Variants in MINDY4 observed in about 807,000 individuals in gnomAD.
MINDY4 encodes probable ubiquitin carboxyl-terminal hydrolase MINDY-4.
In MINDY4, 68 loss-of-function variants were observed where a neutral mutation model predicts 87.0. The ratio of observed to expected loss-of-function variants is 0.78; its 90% CI spans 0.64 to 0.96. The LOEUF is 0.96. MINDY4 is among the 40% of genes least tolerant of loss of function. The pLI, the probability that MINDY4 is intolerant of heterozygous loss-of-function variation, is 0.00. For synonymous variants in MINDY4, 379 were observed against 363.2 expected, an observed-to-expected ratio of 1.04 and a Z score of -0.50; for missense variants, 919 against 928.2, an observed-to-expected ratio of 0.99 and a Z score of 0.13.
chr7:30,827,274 C>T (rs62449064), intron 5 of MINDY4, among the ~76,000 whole-genome samples: 28,701 of 152,016 alleles, frequency 0.19, 3,533 homozygotes, highest in African/African-American at 0.34. Flanking sequence ...CACTGAGGCA[C>T]AGCAAGGGGA....
chr7:30,778,319 A>T (rs1786889920), intron 1 of MINDY4, 113 bp from the exon 2 acceptor site: 1 of 1,345,198 alleles, frequency 7.4e-7, no homozygotes, highest in Non-Finnish European at 1.0e-6. Context: ...GTCAAGTGTA[A>T]AGGTTATATG....
At chr7:30,875,174 T>C (rs1213506294) in intron 14 of MINDY4, among the ~76,000 whole-genome samples, 1 of 152,130 alleles carries the variant, frequency 6.6e-6, no homozygotes, top group Non-Finnish European at 1.5e-5. Context: ...CCAAAGCACA[T>C]GTCAAGAGCC....
intron 5 of MINDY4, among the ~76,000 whole-genome samples, chr7:30,810,795 G>A (rs1434215765): frequency 6.6e-6 from 1 of 152,042 alleles, no homozygotes; most frequent in Non-Finnish European, 1.5e-5. Context: ...AATCATATAA[G>A]AAGCATTACT....
chr7:30,839,140 G>A (rs1788957243), intron 7 of MINDY4, 60 bp from the exon 8 acceptor site: 2 of 1,143,010 alleles, frequency 1.7e-6, no homozygotes. Flanking sequence ...TATGCACACT[G>A]AACATCGTAT....
chr7:30,882,093 G>T, intron 15 of MINDY4, 88 bp from the exon 16 acceptor site: 3 of 1,299,440 alleles, frequency 2.3e-6, no homozygotes, highest in Non-Finnish European at 3.2e-6. Context: ...GCCTCTCTGA[G>T]GTCAGCCCTG....
At chr7:30,836,289 A>T (rs1788853968) in intron 6 of MINDY4, among the ~76,000 whole-genome samples, 1 of 152,192 alleles carries the variant, frequency 6.6e-6, no homozygotes, top group Admixed American at 6.5e-5. Context: ...ACCTTTTGTA[A>T]GAAATGTGTC....
intron 8 of MINDY4, among the ~76,000 whole-genome samples, 177 bp from the exon 9 acceptor site, chr7:30,840,583 C>T (rs532679891): frequency 2.0e-5 from 3 of 152,348 alleles, no homozygotes; most frequent in East Asian, 1.9e-4. Context: ...TTGTCACTCC[C>T]TCTCTGTGGC....
chr7:30,877,448 T>C (rs80252144), intron 15 of MINDY4, among the ~76,000 whole-genome samples: 220 of 152,324 alleles, frequency 1.4e-3, no homozygotes, highest in Middle Eastern at 6.8e-3. Flanking sequence ...TGGATCCGCA[T>C]AGACCCTCTG....
intron 7 of MINDY4, among the ~76,000 whole-genome samples, chr7:30,837,194 C>T (rs1164855999): frequency 6.6e-6 from 1 of 152,190 alleles, no homozygotes; most frequent in Non-Finnish European, 1.5e-5. Context: ...CAGGTGTACT[C>T]CCTTGGCCAC....
chr7:30,816,704 C>T lies in MINDY4; in HGVS notation c.1074-11975C>T, dbSNP rs1376133991. Among the ~76,000 whole-genome samples the T allele has an allele frequency of 2.0e-5, 3 of 150,108 alleles. No homozygotes were observed. In the East Asian group the frequency reaches 6.0e-4, roughly 30 times the overall value. On this transcript the variant is annotated intron_variant, in intron 5 of 17. Transcript: ENST00000265299. ...CCCAGATGAGAGAGACTTGGGTATG[C>T]AGCCCAGTTCCCAATTAAGGGAGTC...
At chr7:30,827,835 C>T (rs1034099833) in intron 5 of MINDY4, among the ~76,000 whole-genome samples, 1 of 152,208 alleles carries the variant, frequency 6.6e-6, no homozygotes, top group Non-Finnish European at 1.5e-5. Flanking sequence ...ACGATTGTTA[C>T]TTCAATCATA....
rs917079176 is a variant in MINDY4 at position 30,828,889 on chromosome 7, C to T, written c.1132+152C>T. On this transcript the variant is annotated intron_variant, in intron 6 of 17. Transcript: ENST00000265299. The stretch of plus-strand genomic sequence containing the variant: ...AAGTGAGTAGAGTAGACTACTCTCT[C>T]TCTGATTGATGTCTTCTACTGCTTG... 8 of 674,174 alleles carry T rather than the reference C, an allele frequency of 1.2e-5. No homozygotes were observed. In the African/African-American group the frequency reaches 1.4e-4, roughly 12 times the overall value. 41.8% of individuals were successfully genotyped at this position (674,174 alleles called of 1,614,324 possible).
At chr7:30,890,605 G>A (rs1402602851) in intron 17 of MINDY4, among the ~76,000 whole-genome samples, 1 of 152,226 alleles carries the variant, frequency 6.6e-6, no homozygotes, top group Non-Finnish European at 1.5e-5. Flanking sequence ...GATACCAAGA[G>A]GGAAGTGAGT....
chr7:30,867,635 T>G (rs1317566568), intron 13 of MINDY4, among the ~76,000 whole-genome samples: 3 of 152,198 alleles, frequency 2.0e-5, no homozygotes, highest in Non-Finnish European at 4.4e-5. Context: ...ACACTATTGA[T>G]GTTGTCCTTA....
intron 17 of MINDY4, among the ~76,000 whole-genome samples, chr7:30,887,506 AGGT>A (rs956875776): frequency 4.3e-4 from 66 of 152,372 alleles, no homozygotes; most frequent in African/African-American, 1.4e-3. Context: ...AGGAGGAATC[AGGT>A]GGTGGCAAGT....
chr7:30,818,589 T>C (rs997064052), intron 5 of MINDY4, among the ~76,000 whole-genome samples: 1 of 152,188 alleles, frequency 6.6e-6, no homozygotes, highest in Non-Finnish European at 1.5e-5. Flanking sequence ...AGACTTTTAG[T>C]GTGTCAGTGA....
At chr7:30,883,162 C>T (rs1790523549) in intron 17 of MINDY4, among the ~76,000 whole-genome samples, 169 bp downstream of exon 17, 1 of 152,118 alleles carries the variant, frequency 6.6e-6, no homozygotes, top group Admixed American at 6.5e-5. Context: ...GTCACTGGGG[C>T]CCAGGTTCAG....
rs529269055 is a variant in MINDY4 at position 30,804,453 on chromosome 7, C to T, written c.1073+12879C>T. Among the ~76,000 whole-genome samples the T allele has an allele frequency of 3.9e-5, 6 of 152,178 alleles. No individual in the cohort carries two copies. In the East Asian group the frequency reaches 7.7e-4, roughly 20 times the overall value. On this transcript the variant is annotated intron_variant, in intron 5 of 17. Transcript: ENST00000265299. ...ATTTATAGAGTGCCTCTTGCTTGTT[C>T]GAATGGTGTTGGGGAGAGAAATGCT...
intron 2 of MINDY4, among the ~76,000 whole-genome samples, chr7:30,778,798 A>G (rs1157263412): frequency 6.6e-6 from 1 of 152,114 alleles, no homozygotes; most frequent in East Asian, 1.9e-4. Context: ...TTTTGAACAG[A>G]GCCTGTGGCA....
Sources: gnomAD v4.1 joint callset for allele counts (sites outside exome capture counted in the v4.1 genomes callset) on GRCh38, gnomAD v4.1.1 for gene constraint, MANE v1.5 for transcripts, NCBI Gene and HGNC (gene_info 2026-07-23, HGNC 2026-07-21) for gene names.